The following MTOR variants were observed in gnomAD, a reference collection of about 807,000 sequenced individuals.
The protein encoded by MTOR is mechanistic target of rapamycin kinase, also known as serine/threonine-protein kinase mTOR.
A neutral mutation model predicts 319.8 loss-of-function variants in MTOR; 70 were observed. That is an observed-to-expected ratio of 0.22 (90% CI 0.18 to 0.27). The LOEUF (loss-of-function observed/expected upper bound fraction) is 0.27, where lower values mean the gene tolerates loss of function less well. Among genes scored for constraint, MTOR ranks in the 10% least tolerant of loss-of-function variants. The pLI is 1.00. For synonymous variants in MTOR, 1,183 were observed against 1,211.4 expected (o/e 0.98, Z 0.49); for missense variants, 1,890 against 3,274.4 (o/e 0.58, Z 10.32).
In MTOR at chr1:11,212,660, G is replaced by A; in HGVS notation, c.3398+136C>T. On this transcript the variant is annotated intron_variant, in intron 22 of 57. Transcript: ENST00000361445. This position sits in a 1 kb window ranked among gnomAD's most constrained non-coding sequence, Gnocchi z 4.1. ...GACAGTTAAGATTTCCATAAACCTG[G>A]GATATTTCTAGACTAAAATAATGTG... 3 of 1,066,768 alleles carry A rather than the reference G, an allele frequency of 2.8e-6. No homozygotes were observed. Among genetic ancestry groups the A allele is most frequent in the Non-Finnish European group, 4.1e-6 (3 of 727,042 alleles). The allele number at this position is 1,066,768 out of a possible 1,614,324, so 66.1% of individuals were successfully genotyped here. A position where few individuals can be genotyped will look rare whatever the true frequency, so the allele number is the denominator to read the frequency against.
At chr1:11,207,244 G>A (rs1646164593) in intron 25 of MTOR, among the ~76,000 whole-genome samples, 1 of 152,036 alleles carries the variant, frequency 6.6e-6, no homozygotes, top group Non-Finnish European at 1.5e-5. Context: ...TGGGACTACA[G>A]GCATGCACCA....
intron 36 of MTOR, among the ~76,000 whole-genome samples, chr1:11,137,049 C>T (rs1307419424): frequency 6.7e-6 from 1 of 150,332 alleles, no homozygotes; most frequent in African/African-American, 2.4e-5. Context: ...ACCATGTTGT[C>T]CAGGCTGGTC....
chr1:11,139,174 G>T, intron 36 of MTOR, 130 bp downstream of exon 36: 3 of 1,277,308 alleles, frequency 2.3e-6, no homozygotes, highest in Non-Finnish European at 3.2e-6. Context: ...GTAACAGGAA[G>T]AGACTCCCTG....
rs1557835079 is a variant in MTOR at position 11,199,525 on chromosome 1, T to C, written c.4107+16A>G. ...TCCCTGTCAGCCTCCATCTGGACAA[T>C]GGGGAAAAGTCTCACCTTGTCACTG... On this transcript the variant is annotated intron_variant, in intron 27 of 57. Transcript: ENST00000361445. This position sits in a 1 kb window ranked among gnomAD's most constrained non-coding sequence, Gnocchi z 4.5. 4 of 1,614,100 alleles carry C rather than the reference T, an allele frequency of 2.5e-6. No homozygotes were observed. Among genetic ancestry groups the C allele is most frequent in the South Asian group, 1.1e-5 (1 of 91,078 alleles).
chr1:11,120,926 A>G (rs770796529), intron 49 of MTOR, among the ~76,000 whole-genome samples: 2 of 152,204 alleles, frequency 1.3e-5, no homozygotes, highest in Non-Finnish European at 2.9e-5. Flanking sequence ...CAAACCAAAC[A>G]AAAACTCCAA....
At position 11,231,473 on chromosome 1, in the gene MTOR, G is replaced by T. The variant is rs769913279; in HGVS notation, c.2515-39C>A. ...AGAACACGATTCAATGAGCCAGTAC[G>T]AGAGAAAAGAAAGCATAGTTGAACT... is the stretch of plus-strand genomic sequence containing the variant. On this transcript the variant is annotated intron_variant, in intron 16 of 57. Transcript: ENST00000361445. 3.1e-6 allele frequency: 5 copies of T among 1,608,316 alleles called. No homozygotes were observed. In the Middle Eastern group the frequency reaches 5.0e-4, roughly 160 times the overall value.
intron 28 of MTOR, chr1:11,189,381 C>A (rs1159094265): frequency 9.3e-6 from 6 of 647,776 alleles, no homozygotes; most frequent in African/African-American, 1.8e-5. Flanking sequence ...CTATAGGCTA[C>A]CCATTCAGCT....
intron 4 of MTOR, chr1:11,256,431 G>A (rs1404551104): frequency 1.5e-6 from 1 of 645,954 alleles, no homozygotes; most frequent in African/African-American, 2.0e-5. Flanking sequence ...CATAAGTTCT[G>A]GAAGTGCAGA....
intron 28 of MTOR, among the ~76,000 whole-genome samples, chr1:11,185,046 T>C (rs1213655833): frequency 6.6e-6 from 1 of 152,194 alleles, no homozygotes; most frequent in Non-Finnish European, 1.5e-5. Flanking sequence ...TCCTGGCTAT[T>C]TCCTCCTTTT....
At chr1:11,141,227 C>T (rs1314312503) in intron 34 of MTOR, among the ~76,000 whole-genome samples, 1 of 151,646 alleles carries the variant, frequency 6.6e-6, no homozygotes, top group African/African-American at 2.4e-5. Flanking sequence ...GCGATCCTCC[C>T]GCCTCAACCT....
intron 53 of MTOR, among the ~76,000 whole-genome samples, chr1:11,113,754 C>A (rs77196647): frequency 3.0e-4 from 46 of 152,182 alleles, no homozygotes; most frequent in Non-Finnish European, 4.7e-4. Context: ...GTAGGACCAC[C>A]GGCATGTGCC....
At chr1:11,213,658 G>T (rs1406117356) in intron 20 of MTOR, 92 bp from the exon 21 acceptor site, 1 of 1,243,250 alleles carries the variant, frequency 8.0e-7, no homozygotes, top group Non-Finnish European at 1.1e-6. Context: ...AAGCAAAACT[G>T]TAGTGAGCAT....
chr1:11,196,142 G>A (rs2100732436), intron 28 of MTOR, among the ~76,000 whole-genome samples: 1 of 152,268 alleles, frequency 6.6e-6, no homozygotes, highest in Non-Finnish European at 1.5e-5. Flanking sequence ...GGGACAAAAG[G>A]GCAGCAACCA....
At chr1:11,244,622 CTCTG>C (rs1304697945) in intron 8 of MTOR, among the ~76,000 whole-genome samples, 3 of 149,840 alleles carry the variant, frequency 2.0e-5, no homozygotes, top group Non-Finnish European at 2.9e-5. Context: ...CAGAGCAAGA[CTCTG>C]TCTCAGAAAA....
chr1:11,238,067 C>T lies in MTOR; in HGVS notation c.2003-19G>A. 2 of 1,612,918 alleles carry T rather than the reference C, an allele frequency of 1.2e-6. No homozygotes were observed. Among genetic ancestry groups the T allele is most frequent in the Non-Finnish European group, 1.7e-6 (2 of 1,178,972 alleles). On this transcript the variant is annotated intron_variant, in intron 12 of 57. Coordinates refer to ENST00000361445, the MANE Select transcript of MTOR (RefSeq NM_004958.4). ...TCAGGGTCTGCAAGAGCAATGGAGC[C>T]TTTGAACATTTCCTCATGATCCCAT...
chr1:11,107,363 C>A lies in MTOR; in HGVS notation c.*122G>T. On this transcript the variant is annotated 3_prime_UTR_variant, in exon 58 of 58. Transcript: ENST00000361445. ...ACTTTTAATATACAGTAGTTCTTTT[C>A]ATTTACATTTCAAAATATTTAACAA... The A allele has an allele frequency of 6.5e-7, 1 of 1,546,372 alleles. No individual in the cohort carries two copies. The highest frequency in any genetic ancestry group is 8.7e-7 in the Non-Finnish European group (1 of 1,153,718).
Position 11,237,959 on chromosome 1 carries a change from C to G in MTOR, c.2092G>C (p.Val698Leu), listed in dbSNP as rs751783308. Residue 698 changes from valine to leucine, a missense_variant, in exon 13 of 58, where the codon GTG (valine) becomes CTG (leucine). Val to Leu is a conservative substitution (Grantham distance 32, BLOSUM62 1). Coordinates refer to ENST00000361445, the MANE Select transcript of MTOR (RefSeq NM_004958.4). Reference protein sequence around the residue: ...AQAENLQALFVALNDQVFEIR... With the variant: ...AQAENLQALFLALNDQVFEIR... ...TCAAACACCTGGTCATTCAGAGCCA[C>G]AAACAAGGCCTGCAAGTTCTCCGCC... 1 of 1,614,198 alleles carries G rather than the reference C, an allele frequency of 6.2e-7. No individual in the cohort carries two copies.
rs373760116 is a variant in MTOR, at chr1:11,252,258, ATTGT to A, written c.840+1577_840+1580del. 9.9e-4 allele frequency among the ~76,000 whole-genome samples: 151 copies of A among 152,080 alleles called. 1 individual carries two copies. Among genetic ancestry groups the A allele is most frequent in the African/African-American group, 3.4e-3 (141 of 41,450 alleles). On this transcript the variant is annotated intron_variant, in intron 6 of 57. Transcript: ENST00000361445. ...TTTTAAAAATTTGTATTATCTTTAA[ATTGT>A]TTGTTTTTTCCTTGATTTTTTTTTT...
chr1:11,115,947 A>G lies in MTOR; in HGVS notation c.7017-479T>C, dbSNP rs1642142584. Among the ~76,000 whole-genome samples, 1 of 152,156 alleles carries G rather than the reference A, an allele frequency of 6.6e-6. No individual in the cohort carries two copies. The highest frequency in any genetic ancestry group is 2.1e-4 in the South Asian group (1 of 4,828). ...AGCCGTAACAGGGTCTCATCTCCTTAAGTCCCTGAGCCAATCCCGGCAACC... is the reference window on the plus strand; with the variant it reads ...AGCCGTAACAGGGTCTCATCTCCTTGAGTCCCTGAGCCAATCCCGGCAACC... On this transcript the variant is annotated intron_variant, in intron 50 of 57. Transcript: ENST00000361445. The surrounding 1 kb of genome is among the most constrained non-coding windows in gnomAD (Gnocchi z 4.5).
Sources: allele counts gnomAD v4.1 joint callset (sites outside exome capture counted in the v4.1 genomes callset), GRCh38; gene constraint gnomAD v4.1.1; non-coding constraint Gnocchi (gnomAD v3.1); transcripts MANE v1.5; gene names NCBI Gene and HGNC (gene_info 2026-07-23, HGNC 2026-07-21).